The following SH2D4A variants were observed in gnomAD, a reference collection of about 807,000 sequenced individuals.
SH2D4A encodes SH2 domain-containing protein 4A.
SH2D4A carries 70 observed loss-of-function variants against 64.7 expected under a neutral mutation model. The ratio of observed to expected loss-of-function variants is 1.08; its 90% CI spans 0.89 to 1.32. The LOEUF (loss-of-function observed/expected upper bound fraction) is 1.32. SH2D4A is among the 40% of genes most tolerant of loss of function. The probability of loss-of-function intolerance (pLI) is 0.00; values close to 1 mark genes in which losing one functional copy is unlikely to be tolerated. For missense variants in SH2D4A, 706 were observed against 540.1 expected, an observed-to-expected ratio of 1.31 and a Z score of -3.04; for synonymous variants, 268 against 200.7, an observed-to-expected ratio of 1.34 and a Z score of -2.83.
chr8:19,317,984 C>T (rs1376104922), intron 1 of SH2D4A, among the ~76,000 whole-genome samples: 1 of 152,074 alleles, frequency 6.6e-6, no homozygotes, highest in African/African-American at 2.4e-5. Flanking sequence ...TCACTGCAAC[C>T]TCTGCGTCCT....
intron 2 of SH2D4A, among the ~76,000 whole-genome samples, chr8:19,325,041 G>A (rs1478247939): frequency 6.6e-6 from 1 of 152,110 alleles, no homozygotes; most frequent in Admixed American, 6.6e-5. Context: ...AGCCTTGCAA[G>A]CTTGATGCAA....
chr8:19,323,067 T>G (rs2052218754), intron 2 of SH2D4A, among the ~76,000 whole-genome samples: 1 of 152,054 alleles, frequency 6.6e-6, no homozygotes, highest in Non-Finnish European at 1.5e-5. Flanking sequence ...AGAAGATCAT[T>G]TCTGATTTCT....
At chr8:19,324,525 G>C (rs529894283) in intron 2 of SH2D4A, among the ~76,000 whole-genome samples, 1 of 152,212 alleles carries the variant, frequency 6.6e-6, no homozygotes, top group Non-Finnish European at 1.5e-5. Flanking sequence ...TCACCTGCTG[G>C]ATTCCTTCCT....
At chr8:19,327,630 C>G (rs927305200) in intron 2 of SH2D4A, among the ~76,000 whole-genome samples, 1 of 152,182 alleles carries the variant, frequency 6.6e-6, no homozygotes, top group African/African-American at 2.4e-5. Flanking sequence ...TTCCAACACC[C>G]CAGGTATACT....
chr8:19,393,451 C>G lies in SH2D4A; in HGVS notation c.1182C>G (p.Phe394Leu), dbSNP rs1218077962. The change falls in exon 9 of 10, where the codon TTC becomes TTG. Residue 394 changes from phenylalanine to leucine, a missense_variant. By Grantham distance (22) the Phe-to-Leu change is conservative. Transcript: ENST00000265807. ...SYLSEDGCKH[F>L]LIDASADAYS... is the part of the protein sequence containing the mutation. ...TGTCGGAGGACGGCTGTAAACATTT[C>G]CTCATCGATGCCTCTGCAGACGCCT... 3 of 1,614,240 alleles carry G rather than the reference C, an allele frequency of 1.9e-6. No individual in the cohort carries two copies. Among genetic ancestry groups the G allele is most frequent in the Non-Finnish European group, 1.7e-6 (2 of 1,180,046 alleles).
At chr8:19,334,550 G>A (rs2052413854) in intron 3 of SH2D4A, 136 bp from the exon 4 acceptor site, 1 of 881,096 alleles carries the variant, frequency 1.1e-6, no homozygotes, top group Non-Finnish European at 1.7e-6. Context: ...CTAGCAAAGG[G>A]CCCAGCATGT....
intron 2 of SH2D4A, among the ~76,000 whole-genome samples, chr8:19,328,662 GA>G (rs2052322182): frequency 6.6e-6 from 1 of 152,158 alleles, no homozygotes; most frequent in Non-Finnish European, 1.5e-5. Flanking sequence ...CTGACATGCG[GA>G]GCAGAGCTTC....
chr8:19,334,738 C>A lies in SH2D4A; in HGVS notation c.394C>A (p.His132Asn). The A allele has an allele frequency of 6.2e-7, 1 of 1,613,928 alleles. No individual in the cohort carries two copies. The highest frequency in any genetic ancestry group is 8.5e-7 in the Non-Finnish European group (1 of 1,179,964). ...TNSLKTKSQY[H>N]DLQAPDNQQT... is the part of the protein sequence containing the mutation. ...TAGCTTGAAAACAAAATCACAGTACCATGATCTGCAGGCTCCGGATAACCA... is the reference window on the plus strand; with the variant it reads ...TAGCTTGAAAACAAAATCACAGTACAATGATCTGCAGGCTCCGGATAACCA... Residue 132 changes from histidine (H) to asparagine (N), a missense_variant, in exon 4 of 10, where the codon CAT (histidine) becomes AAT (asparagine). His to Asn is a moderately conservative substitution (Grantham distance 68, BLOSUM62 1). Transcript: ENST00000265807.
At chr8:19,333,577 G>A (rs954484123) in intron 3 of SH2D4A, among the ~76,000 whole-genome samples, 1 of 152,096 alleles carries the variant, frequency 6.6e-6, no homozygotes, top group African/African-American at 2.4e-5. Flanking sequence ...AGATACAGGC[G>A]GCTGGATAAT....
At chr8:19,366,177 C>T (rs1163440609) in intron 7 of SH2D4A, among the ~76,000 whole-genome samples, 1 of 151,978 alleles carries the variant, frequency 6.6e-6, no homozygotes, top group East Asian at 1.9e-4. Flanking sequence ...TTTTAATTGA[C>T]ACAATAATTG....
chr8:19,343,952 T>C (rs1394100419), intron 4 of SH2D4A, among the ~76,000 whole-genome samples: 1 of 152,174 alleles, frequency 6.6e-6, no homozygotes, highest in Non-Finnish European at 1.5e-5. Context: ...TCTGCAGTCC[T>C]GGCCGGCGAA....
chr8:19,363,958 C>A, intron 6 of SH2D4A, 114 bp from the exon 7 acceptor site: 2 of 910,026 alleles, frequency 2.2e-6, no homozygotes, highest in Non-Finnish European at 3.4e-6. Flanking sequence ...TTATTATAAG[C>A]AGACAACAAA....
At chr8:19,334,611 T>A in intron 3 of SH2D4A, 75 bp from the exon 4 acceptor site, 2 of 1,465,418 alleles carry the variant, frequency 1.4e-6, no homozygotes, top group Non-Finnish European at 1.8e-6. Context: ...ATAATTTGAA[T>A]GTCGACATAT....
At chr8:19,331,596 A>G (rs902108350) in intron 2 of SH2D4A, among the ~76,000 whole-genome samples, 11 of 152,222 alleles carry the variant, frequency 7.2e-5, no homozygotes, top group Non-Finnish European at 1.3e-4. Flanking sequence ...AGCTTCACCA[A>G]GTATCATACT....
intron 2 of SH2D4A, among the ~76,000 whole-genome samples, chr8:19,321,650 A>G (rs2052193166): frequency 6.6e-6 from 1 of 152,246 alleles, no homozygotes; most frequent in African/African-American, 2.4e-5. Flanking sequence ...AAACTGAAAC[A>G]TAACTCTTTT....
Position 19,382,803 on chromosome 8 carries a change from C to G in SH2D4A, c.1048+9143C>G, listed in dbSNP as rs147271279. ...GATGAGTTGCTTCTCTCTCTTTTCT[C>G]TCTTGCTGCTTTTAAGATTCTTTTT... is the stretch of plus-strand genomic sequence containing the variant. On this transcript the variant is annotated intron_variant, in intron 8 of 9. Coordinates refer to ENST00000265807, the MANE Select transcript of SH2D4A (RefSeq NM_022071.4). Among the ~76,000 whole-genome samples the G allele has an allele frequency of 1.0e-3, 141 of 137,872 alleles. 1 individual carries two copies. The highest frequency in any genetic ancestry group is 3.6e-3 in the African/African-American group (132 of 37,110). 90.4% of individuals were successfully genotyped at this position (137,872 alleles called of 152,430 possible).
intron 8 of SH2D4A, among the ~76,000 whole-genome samples, chr8:19,384,008 G>C (rs151152904): frequency 6.6e-6 from 1 of 152,210 alleles, no homozygotes; most frequent in East Asian, 1.9e-4. Flanking sequence ...TTGTTATTTT[G>C]GTTTATCAGA....
At chr8:19,377,438 C>A (rs1017762650) in intron 8 of SH2D4A, among the ~76,000 whole-genome samples, 4 of 152,162 alleles carry the variant, frequency 2.6e-5, no homozygotes, top group Non-Finnish European at 4.4e-5. Context: ...TCTTTTTAAT[C>A]CCATTTCCTT....
chr8:19,381,931 G>C (rs922526561), intron 8 of SH2D4A, among the ~76,000 whole-genome samples: 2 of 151,704 alleles, frequency 1.3e-5, no homozygotes, highest in African/African-American at 4.8e-5. Flanking sequence ...CTGTTAATAC[G>C]GTGTGTTACA....
Sources: gnomAD v4.1 joint callset for allele counts (sites outside exome capture counted in the v4.1 genomes callset) on GRCh38, gnomAD v4.1.1 for gene constraint, MANE v1.5 for transcripts, NCBI Gene and HGNC (gene_info 2026-07-23, HGNC 2026-07-21) for gene names.